Variants in GLDC observed in about 807,000 individuals in gnomAD.
GLDC encodes glycine dehydrogenase (decarboxylating), mitochondrial.
Under a neutral mutation model 121.3 loss-of-function variants are expected in GLDC, and 104 were observed. The ratio of observed to expected loss-of-function variants is 0.86; its 90% confidence interval spans 0.73 to 1.01. GLDC has a LOEUF of 1.01. Ranked by LOEUF, GLDC falls within the 50% of genes least tolerant of loss-of-function variation. GLDC has a pLI of 0.00. For synonymous variants in GLDC, 546 were observed against 480.6 expected (o/e 1.14, Z -1.78); for missense variants, 1,429 against 1,306.6 (o/e 1.09, Z -1.44).
At chr9:6,641,115 C>T (rs1819621564) in intron 2 of GLDC, among the ~76,000 whole-genome samples, 1 of 152,182 alleles carries the variant, frequency 6.6e-6, no homozygotes, top group Non-Finnish European at 1.5e-5. Context: ...TCTGAATTGT[C>T]CAAGAAGAGG....
chr9:6,565,120 G>C (rs193156431), intron 16 of GLDC, among the ~76,000 whole-genome samples: 36 of 152,332 alleles, frequency 2.4e-4, no homozygotes, highest in Middle Eastern at 3.4e-3. Context: ...GCTGACGTTT[G>C]CATTCTGGGT....
chr9:6,605,834 A>G (rs1818719470), intron 5 of GLDC: 1 of 201,120 alleles, frequency 5.0e-6, no homozygotes, highest in Admixed American at 5.3e-5. Context: ...AGCACGAAAG[A>G]AAAGTACTAC....
chr9:6,625,263 ACT>A (rs1335752316), intron 2 of GLDC, among the ~76,000 whole-genome samples: 1 of 152,152 alleles, frequency 6.6e-6, no homozygotes, highest in Admixed American at 6.6e-5. Flanking sequence ...AAAGATTTGC[ACT>A]GATTGCTCTC....
intron 4 of GLDC, among the ~76,000 whole-genome samples, chr9:6,607,434 G>T (rs57680272): frequency 0.041 from 6,249 of 151,470 alleles, 253 homozygotes; most frequent in African/African-American, 0.1. Context: ...ACTACAAAAC[G>T]TAGCCAGGCA....
At chr9:6,629,661 C>T (rs1292070023) in intron 2 of GLDC, among the ~76,000 whole-genome samples, 1 of 151,682 alleles carries the variant, frequency 6.6e-6, no homozygotes, top group African/African-American at 2.4e-5. Flanking sequence ...AACCCATTAC[C>T]CCAAACATAA....
intron 23 of GLDC, 140 bp downstream of exon 23, chr9:6,535,924 C>G: frequency 2.6e-6 from 2 of 783,958 alleles, no homozygotes; most frequent in South Asian, 2.9e-5. Context: ...AAAGTAACAA[C>G]TGCATCTTCT....
intron 23 of GLDC, among the ~76,000 whole-genome samples, chr9:6,535,073 T>C (rs868613802): frequency 6.6e-6 from 1 of 152,220 alleles, no homozygotes; most frequent in African/African-American, 2.4e-5. Flanking sequence ...GTGCTGCCTG[T>C]ATATCCCCAT....
chr9:6,578,171 G>C (rs1469965086), intron 15 of GLDC, among the ~76,000 whole-genome samples: 2 of 151,800 alleles, frequency 1.3e-5, no homozygotes, highest in East Asian at 3.9e-4. Context: ...CACAGGCTGG[G>C]GTGCAATGGT....
intron 2 of GLDC, among the ~76,000 whole-genome samples, chr9:6,634,027 T>G (rs1467554293): frequency 6.6e-6 from 1 of 151,572 alleles, no homozygotes; most frequent in Non-Finnish European, 1.5e-5. Context: ...AGACGGGGTT[T>G]CACCGTGTTA....
intron 2 of GLDC, among the ~76,000 whole-genome samples, chr9:6,634,887 C>T (rs56054649): frequency 1.0e-3 from 158 of 152,310 alleles, no homozygotes; most frequent in African/African-American, 3.6e-3. Context: ...CAGGATCAAT[C>T]CTTCCACTTC....
rs1320151906 is a variant in GLDC, at chr9:6,588,643, G to C, written c.1640C>G (p.Ser547Cys). ...CAGTGGAATCATGCTGTGAACAAGG[G>C]AAATGTCTTTATTTTCCAGTTTCTT... The part of the protein sequence containing the change: ...YMKKLENKDI[S>C]LVHSMIPLGS... Residue 547 changes from serine to cysteine, a missense_variant, in exon 13 of 25, where the codon TCC becomes TGC. By Grantham distance (112) the Ser-to-Cys change is moderately radical (BLOSUM62 -1). Transcript: ENST00000321612. The C allele has an allele frequency of 5.0e-6, 8 of 1,612,314 alleles. 1 individual carries two copies. Among genetic ancestry groups the C allele is most frequent in the Non-Finnish European group, 6.8e-6 (8 of 1,178,550 alleles).
At chr9:6,537,635 G>A (rs1286876436) in intron 22 of GLDC, among the ~76,000 whole-genome samples, 1 of 152,144 alleles carries the variant, frequency 6.6e-6, no homozygotes, top group Non-Finnish European at 1.5e-5. Flanking sequence ...ACAAAAATTA[G>A]CTGGGTGTGG....
intron 2 of GLDC, among the ~76,000 whole-genome samples, chr9:6,644,033 A>C (rs1819684031): frequency 6.8e-6 from 1 of 146,846 alleles, no homozygotes; most frequent in African/African-American, 2.5e-5. Context: ...CTGTCTCAAA[A>C]AAAAAAAAAA....
chr9:6,595,910 C>T (rs1163005210), intron 8 of GLDC, among the ~76,000 whole-genome samples: 1 of 152,156 alleles, frequency 6.6e-6, no homozygotes, highest in Non-Finnish European at 1.5e-5. Flanking sequence ...GAGGAAGTCT[C>T]TATGGAGCCA....
At chr9:6,605,805 G>T (rs1015920191) in intron 5 of GLDC, 2 of 213,740 alleles carry the variant, frequency 9.4e-6, no homozygotes, top group Middle Eastern at 1.9e-3. Context: ...TTGTTGCGAG[G>T]ATTGTTTTAC....
At chr9:6,575,604 G>C (rs1818050282) in intron 15 of GLDC, among the ~76,000 whole-genome samples, 1 of 152,228 alleles carries the variant, frequency 6.6e-6, no homozygotes, top group Non-Finnish European at 1.5e-5. Flanking sequence ...CCATGAAGGA[G>C]ATTCTGGGAA....
chr9:6,549,196 C>T (rs540526355), intron 21 of GLDC, among the ~76,000 whole-genome samples: 16 of 152,342 alleles, frequency 1.1e-4, no homozygotes, highest in Middle Eastern at 3.4e-3. Context: ...CAGCCACCCG[C>T]TCTTTACAGT....
intron 3 of GLDC, 109 bp from the exon 4 acceptor site, chr9:6,610,465 G>C: frequency 9.7e-7 from 1 of 1,033,492 alleles, no homozygotes; most frequent in Admixed American, 2.0e-5. Flanking sequence ...CTATCTTGAG[G>C]AGAATTACAT....
At chr9:6,551,768 G>A (rs1053851903) in intron 20 of GLDC, among the ~76,000 whole-genome samples, 1 of 152,028 alleles carries the variant, frequency 6.6e-6, no homozygotes, top group East Asian at 1.9e-4. Flanking sequence ...AGAAATGAAG[G>A]CGTGGAAGGG....
Sources: allele counts gnomAD v4.1 joint callset (sites outside exome capture counted in the v4.1 genomes callset), GRCh38; gene constraint gnomAD v4.1.1; transcripts MANE v1.5; gene names NCBI Gene and HGNC (gene_info 2026-07-23, HGNC 2026-07-21).